PJVK: variants seen among roughly 807,000 people sequenced by gnomAD.
PJVK encodes the protein pejvakin.
A neutral mutation model predicts 37.6 loss-of-function variants in PJVK; 33 were observed. The ratio of observed to expected loss-of-function variants is 0.88; its 90% CI spans 0.67 to 1.17. The LOEUF (loss-of-function observed/expected upper bound fraction) is 1.17. Among genes scored for constraint, PJVK ranks in the 50% most tolerant of loss-of-function variants. The pLI, the probability that PJVK is intolerant of heterozygous loss-of-function variation, is 0.00. For synonymous variants in PJVK, 141 were observed against 143.5 expected (o/e 0.98, Z 0.13); for missense variants, 410 against 413.8 (o/e 0.99, Z 0.08).
chr2:178,457,973 TAGAA>T (rs1046745002), intron 4 of PJVK, among the ~76,000 whole-genome samples: 3 of 152,242 alleles, frequency 2.0e-5, no homozygotes, highest in East Asian at 1.9e-4. Context: ...AACCAATTGT[TAGAA>T]AGATAGGGTT....
At chr2:178,460,083 A>G (rs1180750545) in intron 5 of PJVK, 1 of 416,256 alleles carries the variant, frequency 2.4e-6, no homozygotes. Flanking sequence ...GGAAGCAAAC[A>G]TAAGAAACTT....
At chr2:178,452,943 G>T (rs774377012) in intron 1 of PJVK, 8 of 168,014 alleles carry the variant, frequency 4.8e-5, no homozygotes, top group Non-Finnish European at 7.8e-5. Context: ...CAAAATTCCG[G>T]TGGTGGACTT....
At position 178,458,571 on chromosome 2, in the gene PJVK, A is replaced by T; in HGVS notation, c.611A>T (p.His204Leu). The change falls in exon 5 of 7, where the codon CAT becomes CTT. Residue 204 changes from histidine (H) to leucine (L), a missense_variant. His to Leu is a moderately conservative substitution (Grantham distance 99). Coordinates refer to ENST00000644580, the MANE Select transcript of PJVK (RefSeq NM_001042702.5). ...GRDKAIVFPA[H>L]TTIAFSVFEL... ...GACAAAGCTATTGTTTTCCCAGCACATACAACCATAGCTTTCAGTGTTTTT... is the reference window on the plus strand; with the variant it reads ...GACAAAGCTATTGTTTTCCCAGCACTTACAACCATAGCTTTCAGTGTTTTT... 1 of 1,614,180 alleles carries T rather than the reference A, an allele frequency of 6.2e-7. No homozygotes were observed. The highest frequency in any genetic ancestry group is 8.5e-7 in the Non-Finnish European group (1 of 1,180,016).
chr2:178,452,420 T>A, intron 1 of PJVK: 1 of 985,402 alleles, frequency 1.0e-6, no homozygotes, highest in Non-Finnish European at 1.2e-6. Context: ...TTAGAGCCTA[T>A]TCTCTCTTCC....
chr2:178,456,134 C>T lies in PJVK; in HGVS notation c.532C>T (p.Arg178Ter), dbSNP rs570669186. The T allele has an allele frequency of 4.3e-6, 7 of 1,613,822 alleles. No homozygotes were observed. Among genetic ancestry groups the T allele is most frequent in the Admixed American group, 1.7e-5 (1 of 59,968 alleles). ...QCSLSVHAGI[R>*]GEAMRFHFMD... is the part of the protein sequence containing the mutation. The stretch of plus-strand genomic sequence containing the variant: ...CTCACTGTCTGTGCATGCTGGAATT[C>T]GAGGGGAAGCAATGCGGGTAAACCA... Residue 178 changes from arginine (R) to a stop codon, truncating the protein, a stop_gained, in exon 4 of 7, where the codon CGA becomes TGA. Coordinates refer to ENST00000644580, the MANE Select transcript of PJVK (RefSeq NM_001042702.5). LOFTEE classifies it high-confidence loss of function.
chr2:178,452,700 G>GAGTCT, intron 1 of PJVK: 1 of 918,634 alleles, frequency 1.1e-6, no homozygotes, highest in Non-Finnish European at 1.3e-6. Context: ...CAAAGAGAGA[G>GAGTCT]AGTCTGTGTG....
At chr2:178,457,216 G>C (rs957673399) in intron 4 of PJVK, among the ~76,000 whole-genome samples, 1 of 152,204 alleles carries the variant, frequency 6.6e-6, no homozygotes, top group East Asian at 1.9e-4. Flanking sequence ...ACAGGTGTGA[G>C]CCACCGCGCC....
intron 5 of PJVK, chr2:178,459,183 C>T (rs1406749384): frequency 6.4e-6 from 3 of 472,232 alleles, no homozygotes; most frequent in Non-Finnish European, 1.3e-5. Context: ...TAGGTCTCTA[C>T]ATTTCACAGG....
intron 3 of PJVK, chr2:178,455,527 C>A: frequency 1.2e-6 from 1 of 806,824 alleles, no homozygotes. Context: ...GGGCTTGGGG[C>A]AGGCATGGGA....
chr2:178,454,450 T>G lies in PJVK; in HGVS notation c.330T>G (p.Ile110Met), dbSNP rs1420010203. The part of the protein sequence containing the change: ...VGINVAGSDS[I>M]AVKASFGIVT... ...TTAACGTTGCTGGATCAGATTCCATTGCAGTGAAAGCTTCATTTGGTATAG... is the reference window on the plus strand; with the variant it reads ...TTAACGTTGCTGGATCAGATTCCATGGCAGTGAAAGCTTCATTTGGTATAG... The change falls in exon 3 of 7, where the codon ATT (isoleucine) becomes ATG (methionine). Residue 110 changes from isoleucine to methionine, a missense_variant. By Grantham distance (10) the Ile-to-Met change is conservative. Coordinates refer to ENST00000644580, the MANE Select transcript of PJVK (RefSeq NM_001042702.5). 1 of 1,614,006 alleles carries G rather than the reference T, an allele frequency of 6.2e-7. No homozygotes were observed. The highest frequency in any genetic ancestry group is 2.2e-5 in the East Asian group (1 of 44,830).
At chr2:178,452,650 G>C (rs2154125809) in intron 1 of PJVK, 1 of 984,152 alleles carries the variant, frequency 1.0e-6, no homozygotes, top group Admixed American at 6.2e-5. Context: ...TAAGTAGCTG[G>C]GATAATAATG....
rs1274829809 is a variant in PJVK at position 178,458,745 on chromosome 2, G to C, written c.667+118G>C. On this transcript the variant is annotated intron_variant, in intron 5 of 6. Transcript: ENST00000644580. The stretch of plus-strand genomic sequence containing the variant: ...CTCGTGTCTAACAATTATAGAAGAT[G>C]CTCTCAGCACTGTCAATCTTATGCT... The C allele has an allele frequency of 5.4e-6, 5 of 921,408 alleles. No individual in the cohort carries two copies. The South Asian group carries it at 6.5e-5, about 12-fold the overall frequency. 57.1% of individuals were successfully genotyped at this position (921,408 alleles called of 1,614,324 possible).
intron 1 of PJVK, chr2:178,452,326 T>C: frequency 1.0e-6 from 1 of 984,808 alleles, no homozygotes; most frequent in Non-Finnish European, 1.2e-6. Context: ...CGATTTGTTG[T>C]TTTGTTAGCA....
intron 2 of PJVK, chr2:178,453,916 G>T (rs372861212): frequency 9.7e-5 from 36 of 369,296 alleles, no homozygotes; most frequent in African/African-American, 7.4e-4. Context: ...TATTATTTGG[G>T]CTTACCTATG....
rs1229276780 is a variant in PJVK, at chr2:178,456,769, AAAAAC to A, written c.549+633_549+637del. On this transcript the variant is annotated intron_variant, in intron 4 of 6. Coordinates refer to ENST00000644580, the MANE Select transcript of PJVK (RefSeq NM_001042702.5). ...GTGGCAGAGTGAGACTCCGTCTCAA[AAAAAC>A]AAAACAAAACAAAAACCCCAACCAA... Among the ~76,000 whole-genome samples the A allele has an allele frequency of 4.2e-5, 6 of 143,604 alleles. No individual in the cohort carries two copies. In the East Asian group the frequency reaches 5.8e-4, roughly 14 times the overall value. 94.2% of individuals were successfully genotyped at this position (143,604 alleles called of 152,430 possible).
chr2:178,452,654 A>G (rs908684448), intron 1 of PJVK: 2 of 983,560 alleles, frequency 2.0e-6, no homozygotes, highest in African/African-American at 3.5e-5. Context: ...TAGCTGGGAT[A>G]ATAATGAAAC....
chr2:178,454,694 G>T, intron 3 of PJVK, 167 bp downstream of exon 3: 1 of 1,482,190 alleles, frequency 6.7e-7, no homozygotes, highest in Non-Finnish European at 9.2e-7. Flanking sequence ...AATAAGGATA[G>T]ATATCAAAAA....
At chr2:178,459,320 TAGG>T in intron 5 of PJVK, 1 of 417,906 alleles carries the variant, frequency 2.4e-6, no homozygotes, top group South Asian at 1.8e-5. Flanking sequence ...TGCAATTTTG[TAGG>T]AGGAGGGAAT....
At chr2:178,460,250 C>G (rs1313362495) in intron 5 of PJVK, 98 bp from the exon 6 acceptor site, 5 of 1,038,052 alleles carry the variant, frequency 4.8e-6, no homozygotes, top group Non-Finnish European at 7.3e-6. Context: ...CTTTTAAAAA[C>G]AATACAATGA....
Sources: allele counts gnomAD v4.1 joint callset (sites outside exome capture counted in the v4.1 genomes callset), GRCh38; gene constraint gnomAD v4.1.1; transcripts MANE v1.5; gene names NCBI Gene and HGNC (gene_info 2026-07-23, HGNC 2026-07-21).